The following THADA variants were observed in gnomAD, a reference collection of about 807,000 sequenced individuals.
The protein encoded by THADA is THADA armadillo repeat containing.
In THADA, 213 loss-of-function variants were observed where a neutral mutation model predicts 219.8. That is an observed-to-expected ratio of 0.97 (90% CI 0.87 to 1.09). The LOEUF is 1.09. THADA is among the 50% of genes least tolerant of loss of function. The pLI, the probability that THADA is intolerant of heterozygous loss-of-function variation, is 0.00. For missense variants in THADA, 2,956 were observed against 2,311.3 expected, an observed-to-expected ratio of 1.28 and a Z score of -5.72; for synonymous variants, 1,018 against 828.9, an observed-to-expected ratio of 1.23 and a Z score of -3.92.
At chr2:43,388,776 T>C (rs2104683895) in intron 29 of THADA, among the ~76,000 whole-genome samples, 1 of 152,304 alleles carries the variant, frequency 6.6e-6, no homozygotes, top group South Asian at 2.1e-4. Context: ...TTGCTGAAAA[T>C]GGACTTATTT....
intron 31 of THADA, among the ~76,000 whole-genome samples, chr2:43,307,845 G>C (rs1677039066): frequency 6.6e-6 from 1 of 151,892 alleles, no homozygotes; most frequent in African/African-American, 2.4e-5. Flanking sequence ...CCATAACCAG[G>C]AGAAAAAAAA....
chr2:43,299,921 C>T (rs1314198449), intron 31 of THADA, among the ~76,000 whole-genome samples: 10 of 149,484 alleles, frequency 6.7e-5, no homozygotes, highest in Non-Finnish European at 1.5e-4. Context: ...CCAGCTACTC[C>T]GGAGGCTGAA....
At chr2:43,334,683 G>A (rs1047908385) in intron 30 of THADA, among the ~76,000 whole-genome samples, 69 of 152,064 alleles carry the variant, frequency 4.5e-4, no homozygotes, top group Admixed American at 1.5e-3. Context: ...GCTCAGGCAG[G>A]AGAATGGCGT....
chr2:43,376,699 G>C (rs1671419753), intron 29 of THADA, among the ~76,000 whole-genome samples: 1 of 152,160 alleles, frequency 6.6e-6, no homozygotes, highest in Non-Finnish European at 1.5e-5. Context: ...TGGCAACCTA[G>C]ATACATTACA....
chr2:43,498,298 A>G (rs1270680624), intron 25 of THADA, among the ~76,000 whole-genome samples: 2 of 152,182 alleles, frequency 1.3e-5, no homozygotes, highest in Non-Finnish European at 2.9e-5. Flanking sequence ...TGTTCCAGAA[A>G]TGCACAGTGC....
In THADA at chr2:43,577,075, A is replaced by G; in HGVS notation, c.984T>C (p.Ser328=). 1 of 1,613,454 alleles carries G rather than the reference A, an allele frequency of 6.2e-7. No homozygotes were observed. The change falls in exon 10 of 38, where the codon AGT becomes AGC. Residue 328 remains serine (S), a synonymous_variant. Coordinates refer to ENST00000405975, the MANE Select transcript of THADA (RefSeq NM_022065.5). ...CAGTATCCAAGAGCAGGGCCTCCCC[A>G]CTCCGACCCATGCTTCCGTTCTGCC... ...LDWQNGSMGR[S]GEALLLDTAH... is the part of the protein sequence containing the mutation.
intron 29 of THADA, among the ~76,000 whole-genome samples, chr2:43,383,172 A>G (rs1452386864): frequency 1.3e-5 from 2 of 152,202 alleles, no homozygotes; most frequent in Non-Finnish European, 2.9e-5. Flanking sequence ...AGAAGAAATA[A>G]TATTAATAAA....
rs747956525 is a variant in THADA at position 43,273,251 on chromosome 2, TCAA to T, written c.5296+6511_5296+6513del. ...TGGGCGCCAAGAGTGAAACTCTGTC[TCAA>T]CAACAACAACAACAACAAAAAAAAA... is the stretch of plus-strand genomic sequence containing the variant. On this transcript the variant is annotated intron_variant, in intron 36 of 37. Transcript: ENST00000405975. 9.6e-3 allele frequency among the ~76,000 whole-genome samples: 1,419 copies of T among 147,194 alleles called. 18 individuals are homozygous for T. Among genetic ancestry groups the T allele is most frequent in the Middle Eastern group, 0.047 (13 of 276 alleles).
chr2:43,541,224 A>G lies in THADA; in HGVS notation c.3199T>C (p.Leu1067=), dbSNP rs1335323148. ...MKEVALLLGM[L]CQLLPMQPVP... is the part of the protein sequence containing the mutation. ...GGCTGCATGGGCAGAAGCTGGCACAACATGCCTAAAAGTAAAGCAACTTCC... is the reference window on the plus strand; with the variant it reads ...GGCTGCATGGGCAGAAGCTGGCACAGCATGCCTAAAAGTAAAGCAACTTCC... Residue 1067 remains leucine (L), a synonymous_variant, in exon 21 of 38, where the codon TTG becomes CTG. Transcript: ENST00000405975. 1.2e-6 allele frequency: 2 copies of G among 1,611,696 alleles called. No individual in the cohort carries two copies. Among genetic ancestry groups the G allele is most frequent in the Non-Finnish European group, 1.7e-6 (2 of 1,179,052 alleles).
chr2:43,305,156 A>G (rs1395068017), intron 31 of THADA, among the ~76,000 whole-genome samples: 1 of 152,182 alleles, frequency 6.6e-6, no homozygotes, highest in African/African-American at 2.4e-5. Context: ...CTGTTATGCA[A>G]TTTCTCCGTT....
intron 14 of THADA, among the ~76,000 whole-genome samples, 181 bp downstream of exon 14, chr2:43,570,207 C>T (rs999955839): frequency 1.3e-5 from 2 of 152,112 alleles, no homozygotes; most frequent in African/African-American, 4.8e-5. Flanking sequence ...GCACTGGTTC[C>T]ATAACCCAGG....
chr2:43,255,043 G>A (rs1210818565), intron 36 of THADA, among the ~76,000 whole-genome samples: 1 of 152,162 alleles, frequency 6.6e-6, no homozygotes, highest in East Asian at 1.9e-4. Flanking sequence ...ACTAAAGAGT[G>A]TAACTATTTA....
intron 29 of THADA, among the ~76,000 whole-genome samples, chr2:43,386,903 A>G (rs1672760183): frequency 6.6e-6 from 1 of 151,942 alleles, no homozygotes; most frequent in Middle Eastern, 3.2e-3. Context: ...CTCTCAAAAA[A>G]AAAAAAAAAA....
intron 12 of THADA, 62 bp downstream of exon 12, chr2:43,572,752 T>C: frequency 1.7e-5 from 25 of 1,495,714 alleles, no homozygotes; most frequent in East Asian, 4.5e-5. Flanking sequence ...GGCCTCTATA[T>C]TGAACTGCTA....
At chr2:43,239,979 G>C (rs1211866791) in intron 36 of THADA, among the ~76,000 whole-genome samples, 1 of 152,240 alleles carries the variant, frequency 6.6e-6, no homozygotes, top group African/African-American at 2.4e-5. Flanking sequence ...ACCACTCTAA[G>C]AGAGAGAAGA....
chr2:43,419,439 G>C (rs1677421153), intron 28 of THADA, among the ~76,000 whole-genome samples: 1 of 152,152 alleles, frequency 6.6e-6, no homozygotes, highest in Non-Finnish European at 1.5e-5. Context: ...AGACGGTGGG[G>C]GCCAAGGCCC....
At chr2:43,460,830 T>G (rs74776989) in intron 26 of THADA, among the ~76,000 whole-genome samples, 6,932 of 152,240 alleles carry the variant, frequency 0.046, 217 homozygotes, top group Middle Eastern at 0.088. Flanking sequence ...GGAAAGCCAG[T>G]TTCACAAGAG....
intron 36 of THADA, among the ~76,000 whole-genome samples, chr2:43,237,397 A>ATTTTT (rs70963388): frequency 1.5e-5 from 2 of 132,258 alleles, no homozygotes; most frequent in Non-Finnish European, 3.1e-5. Context: ...AACTCATTTG[A>ATTTTT]TTTTTTTTTT....
chr2:43,425,487 T>TGTGA (rs1311743033), intron 28 of THADA, among the ~76,000 whole-genome samples: 3 of 146,766 alleles, frequency 2.0e-5, no homozygotes, highest in Non-Finnish European at 4.5e-5. Flanking sequence ...TGTGTGTGTG[T>TGTGA]GATGGTATTA....
Sources: gnomAD v4.1 joint callset for allele counts (sites outside exome capture counted in the v4.1 genomes callset) on GRCh38, gnomAD v4.1.1 for gene constraint, MANE v1.5 for transcripts, NCBI Gene and HGNC (gene_info 2026-07-23, HGNC 2026-07-21) for gene names.